The following DOCK9 variants were observed in gnomAD, a reference collection of about 807,000 sequenced individuals.
DOCK9 encodes dedicator of cytokinesis 9.
DOCK9 carries 89 observed loss-of-function variants against 263.3 expected under a neutral mutation model. That is an observed-to-expected ratio of 0.34 (90% CI 0.28 to 0.40). DOCK9 has a LOEUF of 0.40. DOCK9 is among the 10% of genes least tolerant of loss of function. The probability of loss-of-function intolerance (pLI) is 1.00; values close to 1 mark genes in which losing one functional copy is unlikely to be tolerated. For synonymous variants in DOCK9, 976 were observed against 973.1 expected, an observed-to-expected ratio of 1.00 and a Z score of -0.06; for missense variants, 2,140 against 2,603.4, an observed-to-expected ratio of 0.82 and a Z score of 3.87.
intron 1 of DOCK9, among the ~76,000 whole-genome samples, chr13:98,965,419 C>T (rs2141213918): frequency 6.6e-6 from 1 of 152,268 alleles, no homozygotes; most frequent in East Asian, 1.9e-4. Flanking sequence ...TTAAAAGGTA[C>T]TACAGATTCA....
chr13:98,867,957 T>C lies in DOCK9; in HGVS notation c.3145A>G (p.Ile1049Val), dbSNP rs77363135. 151 of 1,613,636 alleles carry C rather than the reference T, an allele frequency of 9.4e-5. No homozygotes were observed. Among genetic ancestry groups the C allele is most frequent in the Non-Finnish European group, 1.2e-4 (146 of 1,179,808 alleles). ...GFVFKQINNY[I>V]SCFAPGDPKT... ...GGGTCTCCAGGAGCAAAACAGCTAA[T>C]GTAGTTGTTGATCTGCTTGAAGACA... is the stretch of plus-strand genomic sequence containing the variant. The change falls in exon 29 of 53, where the codon ATT becomes GTT. Residue 1049 changes from isoleucine (I) to valine (V), a missense_variant. By Grantham distance (29) the Ile-to-Val change is conservative. This residue lies in a region of DOCK9 where 1,521 missense variants were observed against 1,741.7 expected (regional missense o/e 0.87). Coordinates refer to ENST00000682017, the MANE Select transcript of DOCK9 (RefSeq NM_001366683.2).
intron 1 of DOCK9, among the ~76,000 whole-genome samples, chr13:98,963,055 T>A (rs1036073473): frequency 2.6e-5 from 4 of 152,118 alleles, no homozygotes; most frequent in African/African-American, 9.7e-5. Context: ...GCTCCTCATC[T>A]CAAGGGACAA....
intron 1 of DOCK9, among the ~76,000 whole-genome samples, chr13:99,026,405 A>G (rs1886731202): frequency 6.6e-6 from 1 of 152,216 alleles, no homozygotes; most frequent in Non-Finnish European, 1.5e-5. Flanking sequence ...AAAACATATC[A>G]CTACCCTAAC....
intron 1 of DOCK9, among the ~76,000 whole-genome samples, chr13:99,027,335 C>T (rs1886866299): frequency 6.6e-6 from 1 of 152,152 alleles, no homozygotes; most frequent in Non-Finnish European, 1.5e-5. Context: ...ATCTTCTAAA[C>T]AACCCTAAAA....
At position 98,880,610 on chromosome 13, in the gene DOCK9, G is replaced by T. The variant is rs773434596; in HGVS notation, c.2808C>A (p.Thr936=). 6.2e-7 allele frequency: 1 copy of T among 1,613,866 alleles called. No homozygotes were observed. Among genetic ancestry groups the T allele is most frequent in the Admixed American group, 1.7e-5 (1 of 60,006 alleles). The change falls in exon 26 of 53, where the codon ACC becomes ACA. Residue 936 remains threonine, a synonymous_variant. Coordinates refer to ENST00000682017, the MANE Select transcript of DOCK9 (RefSeq NM_001366683.2). ...GCTTGAGAATCGTGGTCATGGATTT[G>T]GTCAGTTCTTCATGCACTGTCTTGT... The part of the protein sequence containing the change: ...SEYKTVHEEL[T]KSMTTILKPS...
chr13:98,823,856 T>C (rs2092405969), intron 45 of DOCK9, among the ~76,000 whole-genome samples: 1 of 152,166 alleles, frequency 6.6e-6, no homozygotes, highest in Non-Finnish European at 1.5e-5. Context: ...CTGGTCTCTG[T>C]AGGGGGTGCG....
In DOCK9 at chr13:98,968,191, G is replaced by A. The variant is rs376841592; in HGVS notation, c.126+9593C>T. Among the ~76,000 whole-genome samples, 103 of 152,218 alleles carry A rather than the reference G, an allele frequency of 6.8e-4. 1 individual carries two copies. The highest frequency in any genetic ancestry group is 2.4e-3 in the African/African-American group (98 of 41,526). On this transcript the variant is annotated intron_variant, in intron 1 of 52. Coordinates refer to ENST00000682017, the MANE Select transcript of DOCK9 (RefSeq NM_001366683.2). The stretch of plus-strand genomic sequence containing the variant: ...ACACCAAATGTCAATGACATCTTAC[G>A]AATGAAATATAAAATACCTTTTTTT...
At chr13:98,841,785 A>G (rs2093226778) in intron 38 of DOCK9, among the ~76,000 whole-genome samples, 1 of 146,244 alleles carries the variant, frequency 6.8e-6, no homozygotes, top group Non-Finnish European at 1.5e-5. Flanking sequence ...CCATGCCCAG[A>G]TTTTTCTGCA....
chr13:98,894,518 C>G (rs2047087860), intron 15 of DOCK9, among the ~76,000 whole-genome samples: 1 of 151,848 alleles, frequency 6.6e-6, no homozygotes, highest in African/African-American at 2.4e-5. Context: ...ATTTTTTCTT[C>G]CTTAATAATA....
chr13:98,800,558 T>TTATTA, intron 49 of DOCK9, 80 bp from the exon 50 acceptor site: 1 of 1,465,328 alleles, frequency 6.8e-7, no homozygotes, highest in Non-Finnish European at 9.2e-7. Context: ...TTAGAAGTGA[T>TTATTA]TATTATACAT....
At chr13:98,925,770 A>T in intron 4 of DOCK9, 67 bp downstream of exon 4, 1 of 1,096,214 alleles carries the variant, frequency 9.1e-7, no homozygotes, top group Non-Finnish European at 1.3e-6. Context: ...ATATGAAGTT[A>T]CATACCTCCC....
chr13:98,902,893 T>C (rs2048505335), intron 11 of DOCK9, 79 bp downstream of exon 11: 1 of 1,304,584 alleles, frequency 7.7e-7, no homozygotes, highest in Non-Finnish European at 1.0e-6. Flanking sequence ...GGATTTCTTA[T>C]CCAGGCTGCA....
chr13:98,827,009 T>C, intron 43 of DOCK9, 122 bp from the exon 44 acceptor site: 1 of 631,082 alleles, frequency 1.6e-6, no homozygotes, highest in Non-Finnish European at 2.6e-6. Flanking sequence ...CACCAGCTAG[T>C]ATTTCTAATA....
chr13:98,921,167 A>G, intron 6 of DOCK9, 79 bp from the exon 7 acceptor site: 2 of 1,381,652 alleles, frequency 1.4e-6, no homozygotes, highest in South Asian at 2.8e-5. Flanking sequence ...ACTTATGACT[A>G]CATACATACA....
In DOCK9 at chr13:99,055,525, G is replaced by A. The variant is rs1324494280; in HGVS notation, c.129+30698C>T. Among the ~76,000 whole-genome samples, 4 of 152,162 alleles carry A rather than the reference G, an allele frequency of 2.6e-5. No homozygotes were observed. The East Asian group carries it at 5.8e-4, about 22-fold the overall frequency. On this transcript the variant is annotated intron_variant, in intron 1 of 32. Coordinates refer to the DOCK9 transcript ENST00000427887. Reference sequence around the variant, plus strand: ...GAGGGGACCGCAATGGGAGAAATTAGAAGAGAGGAGCAGCCAGGCGCACAG... The same window carrying A: ...GAGGGGACCGCAATGGGAGAAATTAAAAGAGAGGAGCAGCCAGGCGCACAG...
At chr13:99,071,248 T>C (rs2041655760) in intron 1 of DOCK9, among the ~76,000 whole-genome samples, 1 of 145,394 alleles carries the variant, frequency 6.9e-6, no homozygotes, top group Non-Finnish European at 1.5e-5. Flanking sequence ...GCTCAAGCCA[T>C]CCTCCCACTT....
intron 1 of DOCK9, among the ~76,000 whole-genome samples, chr13:99,081,466 C>T (rs574508837): frequency 6.7e-4 from 102 of 152,334 alleles, no homozygotes; most frequent in African/African-American, 2.3e-3. Flanking sequence ...AAGTGCTTGA[C>T]ATCGAAGAAG....
At chr13:99,001,646 G>T (rs1169890088) in intron 1 of DOCK9, among the ~76,000 whole-genome samples, 1 of 152,210 alleles carries the variant, frequency 6.6e-6, no homozygotes, top group Non-Finnish European at 1.5e-5. Flanking sequence ...ATAAGCCTAT[G>T]GCTGAGAGAG....
intron 3 of DOCK9, among the ~76,000 whole-genome samples, chr13:98,929,197 A>G (rs925827527): frequency 2.0e-5 from 3 of 152,216 alleles, no homozygotes; most frequent in African/African-American, 7.2e-5. Context: ...CCTGGAGGAA[A>G]AAACAAACAC....
Sources: allele counts gnomAD v4.1 joint callset (sites outside exome capture counted in the v4.1 genomes callset), GRCh38; gene constraint gnomAD v4.1.1; regional missense constraint gnomAD v4.1.1; transcripts MANE v1.5; gene names NCBI Gene and HGNC (gene_info 2026-07-23, HGNC 2026-07-21).